The following RBFOX1 variants were observed in gnomAD, a reference collection of about 807,000 sequenced individuals.
The protein encoded by RBFOX1 is RNA binding fox-1 homolog 1.
Under a neutral mutation model 57.7 loss-of-function variants are expected in RBFOX1, and 8 were observed. That is an observed-to-expected ratio of 0.14 (90% confidence interval 0.08 to 0.25). The LOEUF is 0.25. RBFOX1 is among the 10% of genes least tolerant of loss of function. RBFOX1 has a pLI of 1.00. For missense variants in RBFOX1, 611 were observed against 548.5 expected, an observed-to-expected ratio of 1.11 and a Z score of -1.14; for synonymous variants, 326 against 222.4, an observed-to-expected ratio of 1.47 and a Z score of -4.15.
At chr16:6,284,352 A>G (rs1446639831) in intron 1 of RBFOX1, among the ~76,000 whole-genome samples, 3 of 152,146 alleles carry the variant, frequency 2.0e-5, no homozygotes, top group African/African-American at 7.2e-5. Flanking sequence ...CCAAATCCCA[A>G]TGATGCTTGC....
chr16:6,845,184 A>G (rs2093691039), intron 3 of RBFOX1, among the ~76,000 whole-genome samples: 1 of 151,920 alleles, frequency 6.6e-6, no homozygotes, highest in Non-Finnish European at 1.5e-5. Flanking sequence ...TAGTTTAATT[A>G]GATCCCATTT....
At chr16:7,121,319 G>A (rs1158287932) in intron 4 of RBFOX1, among the ~76,000 whole-genome samples, 1 of 151,894 alleles carries the variant, frequency 6.6e-6, no homozygotes, top group African/African-American at 2.4e-5. Context: ...TAATATATAA[G>A]GGCATCTTTA....
intron 4 of RBFOX1, among the ~76,000 whole-genome samples, chr16:7,215,115 G>C (rs948227817): frequency 6.6e-6 from 1 of 152,070 alleles, no homozygotes; most frequent in African/African-American, 2.4e-5. Flanking sequence ...ACGTCCATGT[G>C]TTCTCATTGT....
chr16:7,189,392 C>T (rs1474984018), intron 4 of RBFOX1, among the ~76,000 whole-genome samples: 2 of 141,026 alleles, frequency 1.4e-5, no homozygotes, highest in African/African-American at 5.2e-5. Context: ...CGCCACTGCA[C>T]TCCAGCCTGG....
Position 6,466,441 on chromosome 16 carries a change from T to C in RBFOX1, c.-64+149384T>C, listed in dbSNP as rs557935288. The stretch of plus-strand genomic sequence containing the variant: ...GAAGTAGTTGCTATTAAACCCATTT[T>C]AGAGGTGAGGAAACAGATGTTCAGG... On this transcript the variant is annotated intron_variant, in intron 2 of 15. Transcript: ENST00000550418. Among the ~76,000 whole-genome samples, 4 of 152,258 alleles carry C rather than the reference T, an allele frequency of 2.6e-5. No individual in the cohort carries two copies. In the East Asian group the frequency reaches 5.8e-4, roughly 22 times the overall value.
chr16:7,622,039 G>A (rs1483208049), intron 10 of RBFOX1, among the ~76,000 whole-genome samples: 1 of 152,066 alleles, frequency 6.6e-6, no homozygotes, highest in Non-Finnish European at 1.5e-5. Context: ...ATTTAAAATC[G>A]TAAAAAGCAT....
chr16:7,602,440 G>C (rs1239845841), intron 9 of RBFOX1, among the ~76,000 whole-genome samples: 1 of 152,156 alleles, frequency 6.6e-6, no homozygotes, highest in African/African-American at 2.4e-5. Context: ...TCCTTTTGTT[G>C]TAAGCCTCAT....
intron 14 of RBFOX1, among the ~76,000 whole-genome samples, chr16:7,696,181 C>G (rs1478376831): frequency 6.6e-6 from 1 of 152,094 alleles, no homozygotes; most frequent in African/African-American, 2.4e-5. Flanking sequence ...ATTTTCTTAC[C>G]TAGGAGTTTC....
chr16:6,622,474 G>C (rs978955692), intron 2 of RBFOX1, among the ~76,000 whole-genome samples: 1 of 152,142 alleles, frequency 6.6e-6, no homozygotes, highest in Non-Finnish European at 1.5e-5. Flanking sequence ...AGACCATATA[G>C]AGTGTGTGTG....
intron 4 of RBFOX1, among the ~76,000 whole-genome samples, chr16:7,306,189 C>A (rs1242423886): frequency 6.6e-6 from 1 of 152,056 alleles, no homozygotes; most frequent in Non-Finnish European, 1.5e-5. Context: ...AAAATACATC[C>A]ATGTTTCTGC....
intron 3 of RBFOX1, among the ~76,000 whole-genome samples, chr16:6,800,477 G>A (rs1005975414): frequency 2.6e-5 from 4 of 152,068 alleles, no homozygotes; most frequent in African/African-American, 9.7e-5. Context: ...GTCTCGGGTG[G>A]GGTCGGAGCA....
intron 1 of RBFOX1, among the ~76,000 whole-genome samples, chr16:5,342,217 C>G (rs937931402): frequency 2.6e-5 from 4 of 152,202 alleles, no homozygotes; most frequent in African/African-American, 9.7e-5. Context: ...AGGGTGACCA[C>G]CAGTTCCAAA....
chr16:6,959,620 C>T (rs1346888076), intron 3 of RBFOX1, among the ~76,000 whole-genome samples: 1 of 152,124 alleles, frequency 6.6e-6, no homozygotes, highest in Non-Finnish European at 1.5e-5. Context: ...TGTTCCAGCA[C>T]TGACTGAGTG....
intron 2 of RBFOX1, among the ~76,000 whole-genome samples, chr16:6,644,811 G>A (rs1294259494): frequency 2.0e-5 from 3 of 152,162 alleles, no homozygotes; most frequent in Non-Finnish European, 4.4e-5. Context: ...GTCCCCTAGA[G>A]CTTAGACTAA....
chr16:5,624,217 C>T (rs779516628), intron 3 of RBFOX1, among the ~76,000 whole-genome samples: 29 of 152,180 alleles, frequency 1.9e-4, no homozygotes, highest in Admixed American at 3.3e-4. Flanking sequence ...CTTTTTGAGA[C>T]GGAGTCTCGC....
chr16:7,495,145 AT>A (rs2068199524), intron 4 of RBFOX1, among the ~76,000 whole-genome samples: 1 of 152,120 alleles, frequency 6.6e-6, no homozygotes, highest in Admixed American at 6.5e-5. Flanking sequence ...CAAAGACATG[AT>A]TTCATTCTGT....
intron 4 of RBFOX1, among the ~76,000 whole-genome samples, chr16:7,345,702 A>G (rs1005120853): frequency 2.6e-5 from 4 of 152,208 alleles, no homozygotes; most frequent in African/African-American, 7.2e-5. Context: ...ATGGATAAAA[A>G]GCCTTTCATT....
At chr16:6,756,484 C>T (rs34788218) in intron 3 of RBFOX1, among the ~76,000 whole-genome samples, 23,336 of 152,078 alleles carry the variant, frequency 0.15, 1,866 homozygotes, top group Non-Finnish European at 0.18. Context: ...TTAGACTAAA[C>T]AGCTTTGGCA....
intron 3 of RBFOX1, among the ~76,000 whole-genome samples, chr16:5,811,844 A>G (rs2055443676): frequency 6.6e-6 from 1 of 152,188 alleles, no homozygotes; most frequent in African/African-American, 2.4e-5. Context: ...TCTTGACTGA[A>G]TTTATGGAGT....
Sources: gnomAD v4.1 joint callset for allele counts (sites outside exome capture counted in the v4.1 genomes callset) on GRCh38, gnomAD v4.1.1 for gene constraint, MANE v1.5 for transcripts, NCBI Gene and HGNC (gene_info 2026-07-23, HGNC 2026-07-21) for gene names.